The following MRPS31 variants were observed in gnomAD, a reference collection of about 807,000 sequenced individuals.
The protein encoded by MRPS31 is mitochondrial ribosomal protein S31, also known as small ribosomal subunit protein mS31.
A neutral mutation model predicts 43.1 loss-of-function variants in MRPS31; 32 were observed. The observed-to-expected ratio is 0.74, with a 90% CI of 0.56 to 1.00. MRPS31 has a LOEUF of 1.00. MRPS31 is among the 50% of genes least tolerant of loss of function. The probability of loss-of-function intolerance (pLI) is 0.00; values close to 1 mark genes in which losing one functional copy is unlikely to be tolerated. For synonymous variants in MRPS31, 165 were observed against 161.6 expected (o/e 1.02, Z -0.16); for missense variants, 437 against 466.7 (o/e 0.94, Z 0.59).
chr13:40,762,107 G>A (rs564632354), intron 2 of MRPS31, among the ~76,000 whole-genome samples: 10 of 151,942 alleles, frequency 6.6e-5, no homozygotes, highest in East Asian at 3.9e-4. Flanking sequence ...CTAGCCAGAT[G>A]TGATGGTGCA....
intron 3 of MRPS31, 107 bp downstream of exon 3, chr13:40,758,841 C>T (rs948074852): frequency 8.5e-6 from 9 of 1,064,004 alleles, no homozygotes; most frequent in African/African-American, 1.6e-5. Context: ...ATTTTATATA[C>T]AAATTCCACT....
In MRPS31 at chr13:40,738,796, T is replaced by C. The variant is rs939603247; in HGVS notation, c.959-9195A>G. On this transcript the variant is annotated intron_variant, in intron 6 of 6. Transcript: ENST00000323563. ...ATTGATGGGACATATTTCAAAATAA[T>C]AAGAGATATCTATGACAAACCCACA... Among the ~76,000 whole-genome samples the C allele has an allele frequency of 8.3e-4, 127 of 152,270 alleles. 1 individual carries two copies. In the Middle Eastern group the frequency reaches 0.01, roughly 12 times the overall value.
intron 2 of MRPS31, among the ~76,000 whole-genome samples, chr13:40,761,470 TA>T (rs1880693098): frequency 6.6e-6 from 1 of 152,220 alleles, no homozygotes; most frequent in Non-Finnish European, 1.5e-5. Flanking sequence ...TCTAGAATCA[TA>T]CATTTCATAA....
intron 6 of MRPS31, among the ~76,000 whole-genome samples, chr13:40,744,563 A>ATTAT (rs1336776188): frequency 3.9e-5 from 6 of 152,016 alleles, no homozygotes; most frequent in African/African-American, 1.2e-4. Flanking sequence ...TTTTCTTTTT[A>ATTAT]TTATTTATTT....
intron 3 of MRPS31, among the ~76,000 whole-genome samples, chr13:40,758,039 A>G (rs1880583105): frequency 6.6e-6 from 1 of 150,694 alleles, no homozygotes; most frequent in Admixed American, 6.6e-5. Flanking sequence ...GCTACTCGGG[A>G]GGCTGAGGCA....
In MRPS31 at chr13:40,771,176, G is replaced by C. The variant is rs1293791509; in HGVS notation, c.-40C>G. ...ATGAACCAAGAACACAACTGAAATG[G>C]TGCGTCCCGCTGCCAAACACGTCCC... is the stretch of plus-strand genomic sequence containing the variant. On this transcript the variant is annotated 5_prime_UTR_variant, in exon 1 of 7. Transcript: ENST00000323563. 9.0e-6 allele frequency: 14 copies of C among 1,549,190 alleles called. No individual in the cohort carries two copies. The highest frequency in any genetic ancestry group is 1.2e-5 in the South Asian group (1 of 82,802).
chr13:40,745,247 C>T (rs1306438503), intron 6 of MRPS31, among the ~76,000 whole-genome samples: 2 of 151,968 alleles, frequency 1.3e-5, no homozygotes, highest in African/African-American at 4.8e-5. Flanking sequence ...TTTTATTTTA[C>T]TTTATCTTAT....
chr13:40,730,677 C>T (rs1013853601), intron 6 of MRPS31, among the ~76,000 whole-genome samples: 2 of 152,070 alleles, frequency 1.3e-5, no homozygotes, highest in Admixed American at 6.5e-5. Flanking sequence ...TCTCCTGCCT[C>T]GGCCTCCCCA....
chr13:40,733,419 T>C lies in MRPS31; in HGVS notation c.959-3818A>G, dbSNP rs73457361. Among the ~76,000 whole-genome samples, 340 of 152,208 alleles carry C rather than the reference T, an allele frequency of 2.2e-3. 1 individual carries two copies. The highest frequency in any genetic ancestry group is 7.9e-3 in the African/African-American group (329 of 41,524). On this transcript the variant is annotated intron_variant, in intron 6 of 6. Coordinates refer to ENST00000323563, the MANE Select transcript of MRPS31 (RefSeq NM_005830.4). ...AACAAAAGGAGAAAAAGAAAAAGATTGGGAGGCCGAAATTATCAAATGATA... is the reference window on the plus strand; with the variant it reads ...AACAAAAGGAGAAAAAGAAAAAGATCGGGAGGCCGAAATTATCAAATGATA...
Position 40,771,120 on chromosome 13 carries a change from G to A in MRPS31, c.17C>T (p.Ser6Leu). Residue 6 changes from serine to leucine, a missense_variant, in exon 1 of 7, where the codon TCG becomes TTG. Transcript: ENST00000323563. MFPRV[S>L]TFLPLRPLSR... The stretch of plus-strand genomic sequence containing the variant: ...AAGGGGGCGAAGAGGTAGGAACGTC[G>A]AGACTCTAGGAAACATCGCCGAGAC... The A allele has an allele frequency of 1.2e-6, 2 of 1,611,518 alleles. No individual in the cohort carries two copies. Among genetic ancestry groups the A allele is most frequent in the Non-Finnish European group, 1.7e-6 (2 of 1,178,610 alleles).
rs200416836 is a variant in MRPS31, at chr13:40,749,108, G to A, written c.958+30C>T. On this transcript the variant is annotated intron_variant, in intron 6 of 6. Transcript: ENST00000323563. ...TGGCAGAAATAATCTCAATCAATAC[G>A]TTTTATAATCCCCTGAAATTAACAC... 2,432 of 1,568,354 alleles carry A rather than the reference G, an allele frequency of 1.6e-3. 2 individuals are homozygous for A. The highest frequency in any genetic ancestry group is 2.6e-3 in the Admixed American group (125 of 48,818).
intron 1 of MRPS31, among the ~76,000 whole-genome samples, chr13:40,769,042 C>T (rs1239132875): frequency 6.6e-6 from 1 of 151,958 alleles, no homozygotes; most frequent in African/African-American, 2.4e-5. Flanking sequence ...GATTCCCATG[C>T]AGGTGAGCTC....
At chr13:40,731,651 T>G (rs1879704723) in intron 6 of MRPS31, among the ~76,000 whole-genome samples, 1 of 151,362 alleles carries the variant, frequency 6.6e-6, no homozygotes, top group Non-Finnish European at 1.5e-5. Context: ...CAGAAAATAA[T>G]ACTTTAAATG....
rs200615837 is a variant in MRPS31 at position 40,771,138 on chromosome 13, G to A, written c.-2C>T. 5.6e-6 allele frequency: 9 copies of A among 1,597,500 alleles called. No individual in the cohort carries two copies. Among genetic ancestry groups the A allele is most frequent in the East Asian group, 2.2e-5 (1 of 44,500 alleles). ...GAACGTCGAGACTCTAGGAAACATC[G>A]CCGAGACACGAAATGAACCAAGAAC... On this transcript the variant is annotated 5_prime_UTR_variant, in exon 1 of 7. Coordinates refer to ENST00000323563, the MANE Select transcript of MRPS31 (RefSeq NM_005830.4).
chr13:40,737,965 CA>C (rs1267294766), intron 6 of MRPS31, among the ~76,000 whole-genome samples: 3 of 151,850 alleles, frequency 2.0e-5, no homozygotes, highest in Non-Finnish European at 4.4e-5. Flanking sequence ...AATAGAGACA[CA>C]AAAAACCCTT....
chr13:40,754,540 T>C (rs1048358496), intron 4 of MRPS31, among the ~76,000 whole-genome samples: 9 of 152,204 alleles, frequency 5.9e-5, no homozygotes, highest in African/African-American at 2.2e-4. Context: ...AACATTCCCT[T>C]TCATAAGGCA....
chr13:40,766,243 T>C (rs1880841183), intron 2 of MRPS31, among the ~76,000 whole-genome samples: 1 of 152,250 alleles, frequency 6.6e-6, no homozygotes, highest in Non-Finnish European at 1.5e-5. Context: ...AGATATCCTC[T>C]TGTTATTTAA....
At chr13:40,732,138 G>A (rs1879717906) in intron 6 of MRPS31, among the ~76,000 whole-genome samples, 1 of 152,188 alleles carries the variant, frequency 6.6e-6, no homozygotes, top group African/African-American at 2.4e-5. Flanking sequence ...CTCAAGTCAA[G>A]CGGTTGGAAG....
chr13:40,732,326 C>G (rs1879722075), intron 6 of MRPS31, among the ~76,000 whole-genome samples: 1 of 152,194 alleles, frequency 6.6e-6, no homozygotes, highest in Admixed American at 6.5e-5. Context: ...AACAAACATT[C>G]AAAGAACAGT....
Sources: gnomAD v4.1 joint callset for allele counts (sites outside exome capture counted in the v4.1 genomes callset) on GRCh38, gnomAD v4.1.1 for gene constraint, MANE v1.5 for transcripts, NCBI Gene and HGNC (gene_info 2026-07-23, HGNC 2026-07-21) for gene names.